Variants in NDUFS4 observed in about 807,000 individuals in gnomAD.
NDUFS4 encodes NADH:ubiquinone oxidoreductase subunit S4.
NDUFS4 carries 28 observed loss-of-function variants against 24.3 expected under a neutral mutation model. That is an observed-to-expected ratio of 1.15 (90% confidence interval 0.85 to 1.58). The LOEUF is 1.58. Among genes scored for constraint, NDUFS4 ranks in the 40% most tolerant of loss-of-function variants. The pLI, the probability that NDUFS4 is intolerant of heterozygous loss-of-function variation, is 0.00. For missense variants in NDUFS4, 223 were observed against 207.9 expected (o/e 1.07, Z -0.45); for synonymous variants, 93 against 69.7 (o/e 1.34, Z -1.67).
chr5:53,603,081 G>C (rs1051694903), intron 1 of NDUFS4, among the ~76,000 whole-genome samples: 2 of 151,966 alleles, frequency 1.3e-5, no homozygotes, highest in African/African-American at 4.8e-5. Flanking sequence ...GATGCCATCC[G>C]TTTAAGAATC....
chr5:53,606,169 G>C (rs956726870), intron 2 of NDUFS4, among the ~76,000 whole-genome samples: 1 of 152,120 alleles, frequency 6.6e-6, no homozygotes, highest in African/African-American at 2.4e-5. Flanking sequence ...AGGTGACAGA[G>C]CGAGACTCTG....
chr5:53,663,340 A>G (rs942343414), intron 4 of NDUFS4, among the ~76,000 whole-genome samples: 2 of 152,122 alleles, frequency 1.3e-5, no homozygotes, highest in African/African-American at 2.4e-5. Context: ...ATAGATGTCT[A>G]TTAGGTTTGC....
At chr5:53,582,451 C>G (rs187658) in intron 1 of NDUFS4, among the ~76,000 whole-genome samples, 30,976 of 151,934 alleles carry the variant, frequency 0.2, 3,678 homozygotes, top group East Asian at 0.46. Context: ...TCACTCAGAC[C>G]GTGGCCATGT....
At chr5:53,612,314 C>T (rs1253387695) in intron 2 of NDUFS4, among the ~76,000 whole-genome samples, 1 of 151,882 alleles carries the variant, frequency 6.6e-6, no homozygotes, top group Non-Finnish European at 1.5e-5. Context: ...TATTAAGCAC[C>T]ACCTGTTTTA....
intron 4 of NDUFS4, among the ~76,000 whole-genome samples, chr5:53,669,716 A>T (rs184127857): frequency 5.2e-4 from 79 of 152,306 alleles, no homozygotes; most frequent in Admixed American, 1.1e-3. Flanking sequence ...TCTTACACTC[A>T]AACTGTAATA....
intron 1 of NDUFS4, among the ~76,000 whole-genome samples, chr5:53,564,950 A>G (rs2071978670): frequency 6.6e-6 from 1 of 152,166 alleles, no homozygotes; most frequent in South Asian, 2.1e-4. Flanking sequence ...CTTGGTTGTA[A>G]GTATTGTGAT....
intron 3 of NDUFS4, among the ~76,000 whole-genome samples, chr5:53,651,122 TA>T (rs1392426720): frequency 6.6e-6 from 1 of 152,130 alleles, no homozygotes; most frequent in Admixed American, 6.5e-5. Context: ...TGAATAATTT[TA>T]AAAAACATTC....
chr5:53,648,439 T>A (rs1297319496), intron 3 of NDUFS4, among the ~76,000 whole-genome samples: 1 of 152,184 alleles, frequency 6.6e-6, no homozygotes, highest in East Asian at 1.9e-4. Context: ...TCCTAAGTAA[T>A]CTTGCTCTAA....
intron 3 of NDUFS4, among the ~76,000 whole-genome samples, chr5:53,653,665 C>T (rs1752084162): frequency 6.6e-6 from 1 of 152,170 alleles, no homozygotes; most frequent in South Asian, 2.1e-4. Context: ...GTATACCCGC[C>T]CTCCCTCCAT....
At chr5:53,632,803 A>G (rs932493121) in intron 2 of NDUFS4, among the ~76,000 whole-genome samples, 1 of 152,208 alleles carries the variant, frequency 6.6e-6, no homozygotes. Flanking sequence ...TGTAAAGGCA[A>G]GAGTGGTAGT....
Position 53,646,293 on chromosome 5 carries a change from T to C in NDUFS4, c.238T>C (p.Phe80Leu). 1 of 1,613,476 alleles carries C rather than the reference T, an allele frequency of 6.2e-7. No individual in the cohort carries two copies. The highest frequency in any genetic ancestry group is 1.1e-5 in the South Asian group (1 of 91,054). Reference protein sequence around the residue: ...EHIKTRKVRIFVPARNNMQSG... With the variant: ...EHIKTRKVRILVPARNNMQSG... ...TATAAAAACTAGAAAAGTCAGGATC[T>C]TTGTTCCTGCTCGCAATAACATGCA... is the stretch of plus-strand genomic sequence containing the variant. The change falls in exon 3 of 5, where the codon TTT becomes CTT. Residue 80 changes from phenylalanine (F) to leucine (L), a missense_variant. By Grantham distance (22) the Phe-to-Leu change is conservative. Coordinates refer to ENST00000296684, the MANE Select transcript of NDUFS4 (RefSeq NM_002495.4).
Position 53,657,924 on chromosome 5 carries a change from C to CA in NDUFS4, c.351-609dup, listed in dbSNP as rs55653691. On this transcript the variant is annotated intron_variant, in intron 3 of 4. Coordinates refer to ENST00000296684, the MANE Select transcript of NDUFS4 (RefSeq NM_002495.4). ...TGGGCGACAGAGTGAGAGTCCATCT[C>CA]AAAAAAAAAAAAAAAAAAGAATAAA... Among the ~76,000 whole-genome samples, 813 of 123,124 alleles carry CA rather than the reference C, an allele frequency of 6.6e-3. 7 individuals are homozygous for CA. The highest frequency in any genetic ancestry group is 0.022 in the African/African-American group (743 of 34,244). The allele number at this position is 123,124 out of a possible 152,430, so 80.8% of individuals were successfully genotyped here. A position where few individuals can be genotyped will look rare whatever the true frequency, so the allele number is the denominator to read the frequency against.
intron 4 of NDUFS4, among the ~76,000 whole-genome samples, chr5:53,669,262 C>A (rs1413839719): frequency 6.6e-6 from 1 of 152,118 alleles, no homozygotes; most frequent in Non-Finnish European, 1.5e-5. Context: ...AGACAAATTC[C>A]TCAACTGATA....
chr5:53,568,752 G>C (rs775807118), intron 1 of NDUFS4, among the ~76,000 whole-genome samples: 13 of 152,108 alleles, frequency 8.5e-5, no homozygotes, highest in Non-Finnish European at 1.3e-4. Context: ...TAGGAAGGTG[G>C]TCTTTCACTG....
intron 3 of NDUFS4, among the ~76,000 whole-genome samples, chr5:53,648,117 C>T (rs147468448): frequency 7.6e-4 from 115 of 152,282 alleles, no homozygotes; most frequent in African/African-American, 2.6e-3. Context: ...CTTTATCAAA[C>T]CACCTAGGTA....
Position 53,662,247 on chromosome 5 carries a change from C to G in NDUFS4, c.424+3623C>G, listed in dbSNP as rs187125640. Among the ~76,000 whole-genome samples, 1,112 of 152,150 alleles carry G rather than the reference C, an allele frequency of 7.3e-3. 14 individuals are homozygous for G. Among genetic ancestry groups the G allele is most frequent in the African/African-American group, 0.025 (1,057 of 41,508 alleles). On this transcript the variant is annotated intron_variant, in intron 4 of 4. Transcript: ENST00000296684. ...GTCAAAGGCCTTTTCTGCATCTATT[C>G]AGATAATCATGTGGTTTTTGTCTTT...
intron 1 of NDUFS4, among the ~76,000 whole-genome samples, chr5:53,577,772 A>G (rs1436212497): frequency 2.6e-5 from 4 of 152,154 alleles, no homozygotes; most frequent in Non-Finnish European, 4.4e-5. Flanking sequence ...ATGGGAAGAG[A>G]TAGTTTCTTC....
intron 4 of NDUFS4, among the ~76,000 whole-genome samples, chr5:53,673,671 C>T (rs1361027793): frequency 6.6e-6 from 1 of 152,188 alleles, no homozygotes; most frequent in Non-Finnish European, 1.5e-5. Context: ...AAACACATCT[C>T]ATAACCTTGC....
intron 2 of NDUFS4, chr5:53,604,675 A>G: frequency 2.2e-6 from 1 of 447,828 alleles, no homozygotes; most frequent in South Asian, 1.6e-5. Flanking sequence ...TAAAATCCTA[A>G]CATGGTCTTT....
Sources: allele counts gnomAD v4.1 joint callset (sites outside exome capture counted in the v4.1 genomes callset), GRCh38; gene constraint gnomAD v4.1.1; transcripts MANE v1.5; gene names NCBI Gene and HGNC (gene_info 2026-07-23, HGNC 2026-07-21).